The following CCDC148 variants were observed in gnomAD, a reference collection of about 807,000 sequenced individuals.
The protein encoded by CCDC148 is coiled-coil domain-containing protein 148.
Under a neutral mutation model 85.7 loss-of-function variants are expected in CCDC148, and 89 were observed. The observed-to-expected ratio is 1.04, with a 90% CI of 0.87 to 1.24. CCDC148 has a LOEUF of 1.24. Ranked by LOEUF, CCDC148 falls within the 50% of genes most tolerant of loss-of-function variation. The probability of loss-of-function intolerance (pLI) is 0.00; values close to 1 mark genes in which losing one functional copy is unlikely to be tolerated. For missense variants in CCDC148, 692 were observed against 671.7 expected, an observed-to-expected ratio of 1.03 and a Z score of -0.33; for synonymous variants, 230 against 213.9, an observed-to-expected ratio of 1.08 and a Z score of -0.66.
chr2:158,226,321 C>T lies in CCDC148; in HGVS notation c.1252-5608G>A, dbSNP rs184944398. On this transcript the variant is annotated intron_variant, in intron 10 of 13. Transcript: ENST00000283233. ...AATTGAGGCAATAATTAATAGCTTACCAACCAAAAAAAGTCCAGGACCAGA... is the reference window on the plus strand; with the variant it reads ...AATTGAGGCAATAATTAATAGCTTATCAACCAAAAAAAGTCCAGGACCAGA... Among the ~76,000 whole-genome samples, 965 of 152,180 alleles carry T rather than the reference C, an allele frequency of 6.3e-3. 14 individuals carry two copies. Among genetic ancestry groups the T allele is most frequent in the African/African-American group, 0.022 (927 of 41,526 alleles).
intron 9 of CCDC148, among the ~76,000 whole-genome samples, chr2:158,262,506 A>G (rs1689274480): frequency 6.6e-6 from 1 of 151,984 alleles, no homozygotes; most frequent in African/African-American, 2.4e-5. Flanking sequence ...CCCCTGTATT[A>G]GTCTGTTTTC....
At chr2:158,432,069 C>A in intron 1 of CCDC148, among the ~76,000 whole-genome samples, 1 of 151,594 alleles carries the variant, frequency 6.6e-6, no homozygotes. Flanking sequence ...AATGAATAAG[C>A]TGATAAAACA....
At chr2:158,377,347 C>T (rs545737387) in intron 1 of CCDC148, among the ~76,000 whole-genome samples, 1 of 151,974 alleles carries the variant, frequency 6.6e-6, no homozygotes, top group South Asian at 2.1e-4. Flanking sequence ...ATAGGATTTT[C>T]CATTTGGCTT....
At chr2:158,289,621 T>C (rs532868111) in intron 9 of CCDC148, among the ~76,000 whole-genome samples, 2 of 152,328 alleles carry the variant, frequency 1.3e-5, no homozygotes, top group African/African-American at 4.8e-5. Context: ...GGATCTTTTA[T>C]ATGTAGCTGG....
intron 9 of CCDC148, among the ~76,000 whole-genome samples, chr2:158,270,544 C>A (rs887830907): frequency 6.6e-6 from 1 of 152,148 alleles, no homozygotes; most frequent in African/African-American, 2.4e-5. Flanking sequence ...ATATAGAGAA[C>A]AATTCATAGG....
chr2:158,289,328 A>G (rs888081964), intron 9 of CCDC148, among the ~76,000 whole-genome samples: 22 of 152,360 alleles, frequency 1.4e-4, no homozygotes, highest in Admixed American at 3.3e-4. Flanking sequence ...CATATAACCC[A>G]CAAAGAACTA....
chr2:158,385,101 C>T (rs1272165727), intron 1 of CCDC148, among the ~76,000 whole-genome samples: 1 of 152,146 alleles, frequency 6.6e-6, no homozygotes, highest in African/African-American at 2.4e-5. Flanking sequence ...TCTCTATCTT[C>T]AAAGCCAGCC....
At chr2:158,323,137 G>A (rs1413978954) in intron 7 of CCDC148, among the ~76,000 whole-genome samples, 1 of 152,108 alleles carries the variant, frequency 6.6e-6, no homozygotes, top group African/African-American at 2.4e-5. Flanking sequence ...TAAAGAAAGA[G>A]GTTCAATTGT....
At chr2:158,366,244 G>C (rs1302257086) in intron 1 of CCDC148, among the ~76,000 whole-genome samples, 1 of 152,014 alleles carries the variant, frequency 6.6e-6, no homozygotes, top group South Asian at 2.1e-4. Flanking sequence ...CCCTCTGTTA[G>C]TGTTTTTTCT....
At chr2:158,195,906 CA>C (rs1255279848) in intron 11 of CCDC148, among the ~76,000 whole-genome samples, 7 of 152,236 alleles carry the variant, frequency 4.6e-5, no homozygotes, top group African/African-American at 1.7e-4. Context: ...AAAAGTTTAT[CA>C]GGGGAGGCAG....
At chr2:158,259,086 A>T (rs1689118259) in intron 9 of CCDC148, among the ~76,000 whole-genome samples, 1 of 150,048 alleles carries the variant, frequency 6.7e-6, no homozygotes, top group South Asian at 2.1e-4. Context: ...TGCACATGCC[A>T]TTTTTTTTTC....
rs542751302 is a variant in CCDC148, at chr2:158,451,411, A to T, written c.25+5004T>A. On this transcript the variant is annotated intron_variant, in intron 1 of 13. Transcript: ENST00000283233. The stretch of plus-strand genomic sequence containing the variant: ...TGGATGACATCTGATTTTCCTCCTG[A>T]GAAATTTTTAAATTGCTGGAACTTA... 3.3e-5 allele frequency among the ~76,000 whole-genome samples: 5 copies of T among 152,282 alleles called. No individual in the cohort carries two copies. The East Asian group carries it at 9.6e-4, about 29-fold the overall frequency.
intron 10 of CCDC148, among the ~76,000 whole-genome samples, chr2:158,230,549 G>A (rs991628467): frequency 4.6e-5 from 7 of 152,158 alleles, no homozygotes; most frequent in South Asian, 2.1e-4. Context: ...GACTAGAAGC[G>A]AGATTGGAGA....
At chr2:158,332,251 C>T (rs1029542531) in intron 7 of CCDC148, among the ~76,000 whole-genome samples, 30 of 151,806 alleles carry the variant, frequency 2.0e-4, no homozygotes, top group Non-Finnish European at 2.2e-4. Context: ...GATTTTATTT[C>T]TCCTTCACTT....
In CCDC148 at chr2:158,442,142, A is replaced by G. The variant is rs191961489; in HGVS notation, c.25+14273T>C. 1.9e-4 allele frequency among the ~76,000 whole-genome samples: 29 copies of G among 152,316 alleles called. No individual in the cohort carries two copies. The East Asian group carries it at 5.4e-3, about 28-fold the overall frequency. Reference sequence around the variant, plus strand: ...GACAATAGAAAAAGAGCTCTGTTATAAAAAACAAAGGCTTTTTAAAGGTAG... The same window carrying G: ...GACAATAGAAAAAGAGCTCTGTTATGAAAAACAAAGGCTTTTTAAAGGTAG... On this transcript the variant is annotated intron_variant, in intron 1 of 13. Coordinates refer to ENST00000283233, the MANE Select transcript of CCDC148 (RefSeq NM_138803.4).
intron 1 of CCDC148, among the ~76,000 whole-genome samples, chr2:158,406,615 T>TTTTTTTCTGTTTTTTTTTTTTG (rs1686017149): frequency 2.9e-5 from 2 of 67,962 alleles, no homozygotes; most frequent in East Asian, 3.3e-4. Flanking sequence ...TTAAATTTCT[T>TTTTTTTCTGTTTTTTTTTTTTG]TTTTTTTTTT....
intron 9 of CCDC148, among the ~76,000 whole-genome samples, chr2:158,303,527 A>G (rs1398494868): frequency 1.3e-5 from 2 of 152,186 alleles, no homozygotes; most frequent in African/African-American, 4.8e-5. Context: ...ATTTTAAGTG[A>G]CTGAAGAATT....
intron 9 of CCDC148, among the ~76,000 whole-genome samples, chr2:158,262,034 C>T (rs1261950552): frequency 6.6e-6 from 1 of 151,936 alleles, no homozygotes; most frequent in Non-Finnish European, 1.5e-5. Flanking sequence ...GAATATAAAT[C>T]ATTCCACCAT....
In CCDC148 at chr2:158,180,909, A is replaced by T. The variant is rs1323715983; in HGVS notation, c.1371-1913T>A. ...GTTCTTGCCAAAATCAGGAGTCAAT[A>T]TAGTCAAGACACATAGATTAAAGAG... is the stretch of plus-strand genomic sequence containing the variant. On this transcript the variant is annotated intron_variant, in intron 11 of 13. Coordinates refer to ENST00000283233, the MANE Select transcript of CCDC148 (RefSeq NM_138803.4). Among the ~76,000 whole-genome samples the T allele has an allele frequency of 2.6e-5, 4 of 152,214 alleles. No homozygotes were observed. The East Asian group carries it at 7.8e-4, about 30-fold the overall frequency.
Sources: gnomAD v4.1 joint callset for allele counts (sites outside exome capture counted in the v4.1 genomes callset) on GRCh38, gnomAD v4.1.1 for gene constraint, MANE v1.5 for transcripts, NCBI Gene and HGNC (gene_info 2026-07-23, HGNC 2026-07-21) for gene names.